Variants in WWOX observed in about 807,000 individuals in gnomAD.
The protein encoded by WWOX is WW domain containing oxidoreductase.
WWOX carries 69 observed loss-of-function variants against 46.2 expected under a neutral mutation model. The ratio of observed to expected loss-of-function variants is 1.49; its 90% CI spans 1.23 to 1.82. WWOX has a LOEUF of 1.82. Among genes scored for constraint, WWOX ranks in the 40% most tolerant of loss-of-function variants. The pLI is 0.00. For synonymous variants in WWOX, 359 were observed against 202.6 expected (o/e 1.77, Z -6.56); for missense variants, 919 against 542.6 (o/e 1.69, Z -6.89).
chr16:78,794,320 TC>T (rs1161539166), intron 8 of WWOX, among the ~76,000 whole-genome samples: 1 of 152,144 alleles, frequency 6.6e-6, no homozygotes, highest in Non-Finnish European at 1.5e-5. Flanking sequence ...TTTCTTTTTT[TC>T]AAAGCTCCCC....
intron 8 of WWOX, among the ~76,000 whole-genome samples, chr16:78,956,420 G>A (rs559329817): frequency 5.2e-4 from 79 of 152,090 alleles, no homozygotes; most frequent in South Asian, 1.4e-3. Context: ...CTCCCCAAGT[G>A]CTGGGATTAC....
At chr16:78,982,414 C>T (rs896621359) in intron 8 of WWOX, among the ~76,000 whole-genome samples, 4 of 152,308 alleles carry the variant, frequency 2.6e-5, no homozygotes, top group African/African-American at 9.6e-5. Flanking sequence ...GGTAAGCTGG[C>T]CCCAACCAAT....
At chr16:78,395,901 T>G (rs997998325) in intron 6 of WWOX, among the ~76,000 whole-genome samples, 2 of 152,230 alleles carry the variant, frequency 1.3e-5, no homozygotes, top group Non-Finnish European at 2.9e-5. Flanking sequence ...ACTATGTCTG[T>G]TCCTCTTGAT....
At chr16:79,069,816 TGG>T (rs1253346193) in intron 8 of WWOX, among the ~76,000 whole-genome samples, 2 of 152,196 alleles carry the variant, frequency 1.3e-5, no homozygotes, top group African/African-American at 2.4e-5. Flanking sequence ...TTTTGCTAAC[TGG>T]TGTTAGTTAG....
At chr16:78,808,790 T>C (rs2051108976) in intron 8 of WWOX, among the ~76,000 whole-genome samples, 1 of 152,180 alleles carries the variant, frequency 6.6e-6, no homozygotes, top group Non-Finnish European at 1.5e-5. Flanking sequence ...TCGTGGTGTG[T>C]GATCTTGACC....
intron 8 of WWOX, among the ~76,000 whole-genome samples, chr16:79,074,032 G>A (rs1281261526): frequency 6.6e-6 from 1 of 151,598 alleles, no homozygotes; most frequent in Non-Finnish European, 1.5e-5. Context: ...TGGTTAGTTC[G>A]AGAAGCACAG....
At chr16:78,795,416 G>A (rs1045745295) in intron 8 of WWOX, among the ~76,000 whole-genome samples, 1 of 152,110 alleles carries the variant, frequency 6.6e-6, no homozygotes, top group Non-Finnish European at 1.5e-5. Context: ...GGAGATCCTT[G>A]AATTGGGAAG....
chr16:78,446,555 T>G (rs1363979019), intron 8 of WWOX, among the ~76,000 whole-genome samples: 3 of 152,096 alleles, frequency 2.0e-5, no homozygotes. Context: ...ATTATTGATA[T>G]TATAATTAAT....
intron 8 of WWOX, among the ~76,000 whole-genome samples, chr16:78,469,527 C>T (rs1434521290): frequency 1.3e-5 from 2 of 152,176 alleles, no homozygotes; most frequent in Non-Finnish European, 2.9e-5. Context: ...TTAAACTAGA[C>T]ATTCCCTGGA....
chr16:78,434,278 A>T (rs1016026330), intron 8 of WWOX, among the ~76,000 whole-genome samples: 2 of 152,150 alleles, frequency 1.3e-5, no homozygotes, highest in African/African-American at 2.4e-5. Flanking sequence ...TCCATGCCGC[A>T]GGGTGGGATT....
intron 8 of WWOX, among the ~76,000 whole-genome samples, chr16:79,155,958 G>T (rs973196102): frequency 1.3e-5 from 2 of 151,860 alleles, no homozygotes; most frequent in African/African-American, 4.8e-5. Flanking sequence ...GAAGATGAAG[G>T]AAATACTTAA....
chr16:78,327,548 C>T (rs1048054710), intron 5 of WWOX, among the ~76,000 whole-genome samples: 1 of 152,186 alleles, frequency 6.6e-6, no homozygotes, highest in African/African-American at 2.4e-5. Context: ...CACAGCCCAT[C>T]TCCTCCAATC....
At chr16:79,034,856 G>A (rs1434473590) in intron 8 of WWOX, among the ~76,000 whole-genome samples, 1 of 151,658 alleles carries the variant, frequency 6.6e-6, no homozygotes, top group Non-Finnish European at 1.5e-5. Flanking sequence ...GGCTAAGTAT[G>A]GTCTTTTAAA....
intron 8 of WWOX, among the ~76,000 whole-genome samples, chr16:78,634,747 C>T (rs180749486): frequency 3.3e-4 from 49 of 148,552 alleles, no homozygotes; most frequent in African/African-American, 1.1e-3. Flanking sequence ...TGGATTCTGC[C>T]GATAAACATC....
intron 8 of WWOX, among the ~76,000 whole-genome samples, chr16:79,023,811 C>T (rs1470448235): frequency 1.4e-5 from 2 of 145,812 alleles, no homozygotes; most frequent in South Asian, 2.2e-4. Flanking sequence ...AAAAAATTAG[C>T]CAGACATGGT....
chr16:78,651,678 C>T (rs1220933349), intron 8 of WWOX, among the ~76,000 whole-genome samples: 1 of 152,202 alleles, frequency 6.6e-6, no homozygotes, highest in African/African-American at 2.4e-5. Flanking sequence ...CCTTCTCCCA[C>T]CTGTGCAGGT....
chr16:78,840,634 C>T (rs1347303401), intron 8 of WWOX, among the ~76,000 whole-genome samples: 3 of 152,022 alleles, frequency 2.0e-5, no homozygotes, highest in Non-Finnish European at 4.4e-5. Context: ...CCTCATAAAT[C>T]ACCGAGGGAT....
chr16:78,633,372 C>T (rs1319483022), intron 8 of WWOX, among the ~76,000 whole-genome samples: 2 of 152,162 alleles, frequency 1.3e-5, no homozygotes, highest in African/African-American at 2.4e-5. Flanking sequence ...CCTAGGAGCT[C>T]TTGGATTGCA....
intron 5 of WWOX, among the ~76,000 whole-genome samples, chr16:78,245,046 T>C (rs1229061356): frequency 2.6e-5 from 4 of 152,252 alleles, no homozygotes; most frequent in Non-Finnish European, 4.4e-5. Flanking sequence ...GCATATGTAC[T>C]CGTGATGGAT....
Sources: gnomAD v4.1 joint callset for allele counts (sites outside exome capture counted in the v4.1 genomes callset) on GRCh38, gnomAD v4.1.1 for gene constraint, MANE v1.5 for transcripts, NCBI Gene and HGNC (gene_info 2026-07-23, HGNC 2026-07-21) for gene names.